CFAP299: variants seen among roughly 807,000 people sequenced by gnomAD.
CFAP299 encodes cilia- and flagella-associated protein 299.
CFAP299 carries 21 observed loss-of-function variants against 27.0 expected under a neutral mutation model. The ratio of observed to expected loss-of-function variants is 0.78; its 90% CI spans 0.55 to 1.12. The LOEUF is 1.12. CFAP299 is among the 50% of genes most tolerant of loss of function. The probability of loss-of-function intolerance (pLI) is 0.00; values close to 1 mark genes in which losing one functional copy is unlikely to be tolerated. For synonymous variants in CFAP299, 104 were observed against 98.1 expected, an observed-to-expected ratio of 1.06 and a Z score of -0.36; for missense variants, 310 against 276.6, an observed-to-expected ratio of 1.12 and a Z score of -0.86.
chr4:80,899,775 T>A (rs1462888428), intron 4 of CFAP299, among the ~76,000 whole-genome samples: 1 of 152,176 alleles, frequency 6.6e-6, no homozygotes, highest in Non-Finnish European at 1.5e-5. Context: ...TTCAGCTACA[T>A]TGGGCAAGTT....
chr4:80,549,924 T>C (rs140980673), intron 2 of CFAP299, among the ~76,000 whole-genome samples: 7 of 152,032 alleles, frequency 4.6e-5, no homozygotes, highest in Admixed American at 3.9e-4. Flanking sequence ...AATATGAAAA[T>C]TTTTCTACAG....
At chr4:80,581,013 T>C (rs1039609342) in intron 2 of CFAP299, among the ~76,000 whole-genome samples, 1 of 151,946 alleles carries the variant, frequency 6.6e-6, no homozygotes, top group African/African-American at 2.4e-5. Context: ...AAGTAATCTC[T>C]TGCAATTTTA....
At chr4:80,567,969 G>A (rs755346289) in intron 2 of CFAP299, among the ~76,000 whole-genome samples, 14 of 151,434 alleles carry the variant, frequency 9.2e-5, no homozygotes, top group African/African-American at 3.1e-4. Context: ...TGAAAGCCTC[G>A]CTTTTAAAAA....
chr4:80,642,831 C>T (rs1252006447), intron 3 of CFAP299, among the ~76,000 whole-genome samples: 1 of 151,986 alleles, frequency 6.6e-6, no homozygotes, highest in Non-Finnish European at 1.5e-5. Flanking sequence ...TCCTACATGC[C>T]AGACCCTACT....
intron 2 of CFAP299, among the ~76,000 whole-genome samples, chr4:80,400,536 C>T (rs1286070524): frequency 6.6e-6 from 1 of 152,130 alleles, no homozygotes; most frequent in Non-Finnish European, 1.5e-5. Context: ...TCTGTTTTTG[C>T]TTCTTCCTCA....
At position 80,540,036 on chromosome 4, in the gene CFAP299, GT is replaced by G. The variant is rs398051204; in HGVS notation, c.243-43056del. ...CTGTGGAGTCTGTAAAAGCTGCGCT[GT>G]CTTAGTCAAGTGCACAGGCAATTGT... is the stretch of plus-strand genomic sequence containing the variant. On this transcript the variant is annotated intron_variant, in intron 2 of 5. Transcript: ENST00000358105. Among the ~76,000 whole-genome samples the G allele has an allele frequency of 7.3e-5, 5 of 68,108 alleles. No individual in the cohort carries two copies. The African/African-American group carries it at 8.3e-4, about 11-fold the overall frequency. 44.7% of individuals were successfully genotyped at this position (68,108 alleles called of 152,430 possible).
chr4:80,456,172 A>G (rs1397670256), intron 2 of CFAP299, among the ~76,000 whole-genome samples: 1 of 152,112 alleles, frequency 6.6e-6, no homozygotes, highest in Non-Finnish European at 1.5e-5. Flanking sequence ...GGACACAGCA[A>G]GGAGGTGAGT....
chr4:80,739,756 TA>T lies in CFAP299; in HGVS notation c.334-130228del, dbSNP rs200339672. 4.9e-3 allele frequency among the ~76,000 whole-genome samples: 739 copies of T among 151,374 alleles called. 6 individuals carry two copies. The highest frequency in any genetic ancestry group is 0.017 in the African/African-American group (691 of 41,308). On this transcript the variant is annotated intron_variant, in intron 3 of 5. Coordinates refer to ENST00000358105, the MANE Select transcript of CFAP299 (RefSeq NM_152770.3). ...GTTAGAGAAGTTCTCTGTTATCCTT[TA>T]AAAAAAAACTTTCTACCCCTATCTC...
intron 3 of CFAP299, among the ~76,000 whole-genome samples, chr4:80,668,440 T>C (rs1741253771): frequency 1.3e-5 from 2 of 152,210 alleles, no homozygotes; most frequent in South Asian, 4.1e-4. Flanking sequence ...CAATTTGAGA[T>C]CTTAAGACTT....
chr4:80,930,992 A>G (rs1736585196), intron 4 of CFAP299, among the ~76,000 whole-genome samples: 1 of 151,584 alleles, frequency 6.6e-6, no homozygotes, highest in Admixed American at 6.6e-5. Context: ...GCATTCTTGT[A>G]TTGTTAGAAT....
chr4:80,800,652 T>TAAATATATA (rs1382059426), intron 3 of CFAP299, among the ~76,000 whole-genome samples: 3 of 86,858 alleles, frequency 3.5e-5, no homozygotes, highest in African/African-American at 1.2e-4. Flanking sequence ...TATATTAATA[T>TAAATATATA]ATATATGATA....
intron 2 of CFAP299, among the ~76,000 whole-genome samples, chr4:80,402,092 G>A (rs1287867037): frequency 2.6e-5 from 4 of 152,210 alleles, no homozygotes; most frequent in African/African-American, 9.6e-5. Context: ...CATCCAGGAA[G>A]TAACTAGCTT....
At position 80,451,274 on chromosome 4, in the gene CFAP299, A is replaced by C. The variant is rs1469677016; in HGVS notation, c.242+88390A>C. Reference sequence around the variant, plus strand: ...TAGCTGATATCTCTTTGTGTGTCCAAATTTTCTCTTGTTATGAGAATACCA... The same window carrying C: ...TAGCTGATATCTCTTTGTGTGTCCACATTTTCTCTTGTTATGAGAATACCA... On this transcript the variant is annotated intron_variant, in intron 2 of 5. Coordinates refer to ENST00000358105, the MANE Select transcript of CFAP299 (RefSeq NM_152770.3). Among the ~76,000 whole-genome samples the C allele has an allele frequency of 2.0e-5, 3 of 152,114 alleles. No homozygotes were observed. In the South Asian group the frequency reaches 6.2e-4, roughly 32 times the overall value.
chr4:80,811,957 T>G (rs35663002), intron 3 of CFAP299, among the ~76,000 whole-genome samples: 18,057 of 151,816 alleles, frequency 0.12, 1,403 homozygotes, highest in African/African-American at 0.21. Flanking sequence ...GATATAAGCT[T>G]GAGGAAGGAT....
At chr4:80,790,319 C>A (rs1472933606) in intron 3 of CFAP299, 1 of 152,088 alleles carries the variant, frequency 6.6e-6, no homozygotes, top group East Asian at 1.9e-4. Flanking sequence ...ATTTCACAAC[C>A]CTCAAAGGTC....
At chr4:80,677,313 C>T (rs1028151725) in intron 3 of CFAP299, among the ~76,000 whole-genome samples, 2 of 151,972 alleles carry the variant, frequency 1.3e-5, no homozygotes, top group Non-Finnish European at 2.9e-5. Flanking sequence ...TGAAAACATA[C>T]TTGATATGAT....
upstream of CFAP299, among the ~76,000 whole-genome samples, chr4:80,332,537 C>T (rs995432600): frequency 1.3e-5 from 2 of 152,034 alleles, no homozygotes; most frequent in Non-Finnish European, 2.9e-5. Flanking sequence ...AGAAGTAAAA[C>T]GTTGATATGA....
intron 2 of CFAP299, among the ~76,000 whole-genome samples, chr4:80,567,054 G>A (rs1441319308): frequency 6.6e-6 from 1 of 151,730 alleles, no homozygotes; most frequent in Non-Finnish European, 1.5e-5. Context: ...ATTGAAGAAA[G>A]TAAAGTCTGA....
At chr4:80,347,041 A>T (rs183341466) in intron 1 of CFAP299, among the ~76,000 whole-genome samples, 1 of 152,294 alleles carries the variant, frequency 6.6e-6, no homozygotes, top group East Asian at 1.9e-4. Context: ...AGCCATTGTG[A>T]ATGGGAGTTC....
Sources: allele counts gnomAD v4.1 joint callset (sites outside exome capture counted in the v4.1 genomes callset), GRCh38; gene constraint gnomAD v4.1.1; transcripts MANE v1.5; gene names NCBI Gene and HGNC (gene_info 2026-07-23, HGNC 2026-07-21).